ADPRM: variants seen among roughly 807,000 people sequenced by gnomAD.
ADPRM encodes ADP-ribose/CDP-alcohol diphosphatase, manganese dependent, also known as manganese-dependent ADP-ribose/CDP-alcohol diphosphatase.
In ADPRM, 17 loss-of-function variants were observed where a neutral mutation model predicts 27.2. The ratio of observed to expected loss-of-function variants is 0.63; its 90% CI spans 0.43 to 0.94. The LOEUF (loss-of-function observed/expected upper bound fraction) is 0.94. Among genes scored for constraint, ADPRM ranks in the 40% least tolerant of loss-of-function variants. The pLI is 0.00. For synonymous variants in ADPRM, 135 were observed against 145.3 expected (o/e 0.93, Z 0.51); for missense variants, 337 against 412.8 (o/e 0.82, Z 1.59).
chr17:10,705,625 T>C lies in ADPRM; in HGVS notation c.601+98T>C. 1 of 1,485,602 alleles carries C rather than the reference T, an allele frequency of 6.7e-7. No individual in the cohort carries two copies. Among genetic ancestry groups the C allele is most frequent in the Non-Finnish European group, 9.0e-7 (1 of 1,115,058 alleles). The allele number at this position is 1,485,602 out of a possible 1,614,324, so 92.0% of individuals were successfully genotyped here. A position where few individuals can be genotyped will look rare whatever the true frequency, so the allele number is the denominator to read the frequency against. On this transcript the variant is annotated intron_variant, in intron 2 of 3. Coordinates refer to ENST00000379774, the MANE Select transcript of ADPRM (RefSeq NM_020233.5). The surrounding 1 kb of genome is among the most constrained non-coding windows in gnomAD (Gnocchi z 5.4). ...AAGATGGACAATTAAGGTAAAAGTA[T>C]ATTGTCACTTGTTCAGGGTCAGGAT...
chr17:10,705,666 T>C lies in ADPRM; in HGVS notation c.601+139T>C, dbSNP rs920292630. On this transcript the variant is annotated intron_variant, in intron 2 of 3. Transcript: ENST00000379774. The surrounding 1 kb of genome is among the most constrained non-coding windows in gnomAD (Gnocchi z 5.4). The stretch of plus-strand genomic sequence containing the variant: ...GGGTCAGGATTTCTCACAAGCCTTC[T>C]CACATGGATTGGTTACAGTTGATTC... 3 of 1,307,872 alleles carry C rather than the reference T, an allele frequency of 2.3e-6. No individual in the cohort carries two copies. In the African/African-American group the frequency reaches 4.5e-5, roughly 19 times the overall value. 81.0% of individuals were successfully genotyped at this position (1,307,872 alleles called of 1,614,324 possible).
At chr17:10,704,486 CAAAAAAA>C (rs201571510) in intron 1 of ADPRM, among the ~76,000 whole-genome samples, 2,079 of 76,784 alleles carry the variant, frequency 0.027, 84 homozygotes, top group East Asian at 0.25. Flanking sequence ...CACAGCTTTC[CAAAAAAA>C]AAAAAAAAAA....
chr17:10,706,612 G>C (rs192825842), intron 3 of ADPRM, 58 bp downstream of exon 3: 1 of 1,219,044 alleles, frequency 8.2e-7, no homozygotes, highest in Non-Finnish European at 1.1e-6. Context: ...AAAGTTAGGC[G>C]TTAAAGCATA....
rs777574932 is a variant in ADPRM, at chr17:10,705,267, A to G, written c.341A>G (p.Tyr114Cys). 15 of 1,613,954 alleles carry G rather than the reference A, an allele frequency of 9.3e-6. No homozygotes were observed. Among genetic ancestry groups the G allele is most frequent in the East Asian group, 4.5e-5 (2 of 44,898 alleles). The change falls in exon 2 of 4, where the codon TAT (tyrosine) becomes TGT (cysteine). Residue 114 changes from tyrosine to cysteine, a missense_variant. By Grantham distance (194) the Tyr-to-Cys change is radical. Transcript: ENST00000379774. The surrounding 1 kb of genome is among the most constrained non-coding windows in gnomAD (Gnocchi z 5.4). ...CATACATGGGGAAACCATGAATTCTATAACTTCAGTAGAGAGTATTTAACA... is the reference window on the plus strand; with the variant it reads ...CATACATGGGGAAACCATGAATTCTGTAACTTCAGTAGAGAGTATTTAACA... ...VHHTWGNHEF[Y>C]NFSREYLTHS...
intron 1 of ADPRM, among the ~76,000 whole-genome samples, chr17:10,704,662 G>A (rs2151463102): frequency 6.6e-6 from 1 of 152,172 alleles, no homozygotes; most frequent in African/African-American, 2.4e-5. Flanking sequence ...TTTATTGATA[G>A]GATAGTACCT....
Position 10,705,777 on chromosome 17 carries a change from TAAC to T in ADPRM, c.601+253_601+255del, listed in dbSNP as rs926405704. 5.8e-6 allele frequency: 3 copies of T among 518,378 alleles called. No homozygotes were observed. Among genetic ancestry groups the T allele is most frequent in the Non-Finnish European group, 1.0e-5 (3 of 294,116 alleles). The allele number at this position is 518,378 out of a possible 1,614,324, so 32.1% of individuals were successfully genotyped here. A position where few individuals can be genotyped will look rare whatever the true frequency, so the allele number is the denominator to read the frequency against. ...AGATATTCCGAGCTGTAAACAATAC[TAAC>T]AATATTACTTTTTTGATGGATGGAA... On this transcript the variant is annotated intron_variant, in intron 2 of 3. Coordinates refer to ENST00000379774, the MANE Select transcript of ADPRM (RefSeq NM_020233.5). The surrounding 1 kb of genome is among the most constrained non-coding windows in gnomAD (Gnocchi z 5.4).
At chr17:10,706,346 G>GA in intron 2 of ADPRM, 92 bp from the exon 3 acceptor site, 1 of 801,076 alleles carries the variant, frequency 1.2e-6, no homozygotes, top group Non-Finnish European at 2.1e-6. Flanking sequence ...TATTCCTAAA[G>GA]AAAAAACAAG....
chr17:10,707,298 C>T (rs532461101), intron 3 of ADPRM, among the ~76,000 whole-genome samples: 10 of 152,138 alleles, frequency 6.6e-5, no homozygotes, highest in South Asian at 2.1e-4. Context: ...TTGCGTGAAC[C>T]GGGAGGTGGA....
Position 10,702,998 on chromosome 17 carries a change from A to G in ADPRM, c.-17-1912A>G, listed in dbSNP as rs73974816. Among the ~76,000 whole-genome samples the G allele has an allele frequency of 0.034, 5,176 of 152,278 alleles. 287 individuals are homozygous for G. The highest frequency in any genetic ancestry group is 0.12 in the African/African-American group (4,780 of 41,524). ...AAAGATAAAAACAAGCTCACTTGGC[A>G]GGGGATAAGATCACCCCCAGAAATA... On this transcript the variant is annotated intron_variant, in intron 1 of 3. Coordinates refer to ENST00000379774, the MANE Select transcript of ADPRM (RefSeq NM_020233.5). This position sits in a 1 kb window ranked among gnomAD's most constrained non-coding sequence, Gnocchi z 4.2.
At chr17:10,709,724 TA>T (rs10690433) in intron 3 of ADPRM, among the ~76,000 whole-genome samples, 10 of 149,540 alleles carry the variant, frequency 6.7e-5, no homozygotes, top group Admixed American at 1.3e-4. Flanking sequence ...GTATGCACTT[TA>T]AAAAAAAAAT....
chr17:10,706,069 C>CATTA (rs2074810749), intron 2 of ADPRM: 1 of 189,122 alleles, frequency 5.3e-6, no homozygotes, highest in African/African-American at 2.4e-5. Context: ...GAGGGAAAAA[C>CATTA]CTGCAAAGGC....
chr17:10,705,723 AT>A lies in ADPRM; in HGVS notation c.601+200del. On this transcript the variant is annotated intron_variant, in intron 2 of 3. Transcript: ENST00000379774. The surrounding 1 kb of genome is among the most constrained non-coding windows in gnomAD (Gnocchi z 5.4). ...GATTTAACAGATATTTTAAATGCCT[AT>A]TTTAGGCCAGGCACTTTTTCTAGGG... 1.1e-6 allele frequency: 1 copy of A among 886,840 alleles called. No homozygotes were observed. Among genetic ancestry groups the A allele is most frequent in the Non-Finnish European group, 1.6e-6 (1 of 608,212 alleles). The allele number at this position is 886,840 out of a possible 1,614,324, so 54.9% of individuals were successfully genotyped here.
Position 10,706,541 on chromosome 17 carries a change from G to A in ADPRM, c.705G>A (p.Lys235=), listed in dbSNP as rs2074813507. 1.3e-6 allele frequency: 2 copies of A among 1,572,790 alleles called. No individual in the cohort carries two copies. Among genetic ancestry groups the A allele is most frequent in the Non-Finnish European group, 1.7e-6 (2 of 1,164,272 alleles). Residue 235 remains lysine, a synonymous_variant, in exon 3 of 4, where the codon AAG becomes AAA. Coordinates refer to ENST00000379774, the MANE Select transcript of ADPRM (RefSeq NM_020233.5). The stretch of plus-strand genomic sequence containing the variant: ...CATTCTCTGACACAAACCAAGAAAA[G>A]GTGGTGATTGTGAGTAAGTATTTAA... The part of the protein sequence containing the change: ...VLTFSDTNQE[K]VVIVSHLPIY...
rs141731002 is a variant in ADPRM, at chr17:10,710,969, C to G, written c.854C>G (p.Ser285Cys). The part of the protein sequence containing the change: ...FAGHTHDGGY[S>C]EDPFGVYHVN... ...GGTCACACCCATGATGGTGGCTACTCTGAGGATCCTTTTGGTGTATACCAC... is the reference window on the plus strand; with the variant it reads ...GGTCACACCCATGATGGTGGCTACTGTGAGGATCCTTTTGGTGTATACCAC... The change falls in exon 4 of 4, where the codon TCT becomes TGT. Residue 285 changes from serine to cysteine, a missense_variant. Transcript: ENST00000379774. 4.3e-6 allele frequency: 7 copies of G among 1,614,038 alleles called. No homozygotes were observed. In the African/African-American group the frequency reaches 8.0e-5, roughly 18 times the overall value.
At position 10,705,362 on chromosome 17, in the gene ADPRM, G is replaced by A. The variant is rs1327402019; in HGVS notation, c.436G>A (p.Asp146Asn). Residue 146 changes from aspartate to asparagine, a missense_variant, in exon 2 of 4, where the codon GAT (aspartate) becomes AAT (asparagine). Transcript: ENST00000379774. This position sits in a 1 kb window ranked among gnomAD's most constrained non-coding sequence, Gnocchi z 5.4. The part of the protein sequence containing the change: ...VHHPETMPSE[D>N]YYAYHFVPFP... ...TCATCCTGAGACCATGCCTTCAGAA[G>A]ATTATTATGCTTATCATTTTGTACC... 6.2e-7 allele frequency: 1 copy of A among 1,613,916 alleles called. No homozygotes were observed. The highest frequency in any genetic ancestry group is 8.5e-7 in the Non-Finnish European group (1 of 1,179,980).
intron 3 of ADPRM, among the ~76,000 whole-genome samples, chr17:10,708,495 T>A (rs1413381417): frequency 6.8e-6 from 1 of 148,060 alleles, no homozygotes; most frequent in Non-Finnish European, 1.5e-5. Context: ...TATATAAAAC[T>A]ATATTTCTAT....
rs1327674021 is a variant in ADPRM at position 10,703,178 on chromosome 17, C to A, written c.-17-1732C>A. ...TCTTCTATTAATCTGAACTTGGAAT[C>A]GCAAATATTTGAAACCTAACATAAG... On this transcript the variant is annotated intron_variant, in intron 1 of 3. Coordinates refer to ENST00000379774, the MANE Select transcript of ADPRM (RefSeq NM_020233.5). 5.4e-5 allele frequency among the ~76,000 whole-genome samples: 7 copies of A among 130,476 alleles called. No homozygotes were observed. The East Asian group carries it at 1.7e-3, about 31-fold the overall frequency. The allele number at this position is 130,476 out of a possible 152,430, so 85.6% of individuals were successfully genotyped here.
intron 3 of ADPRM, among the ~76,000 whole-genome samples, chr17:10,709,358 A>G (rs934767500): frequency 6.6e-6 from 1 of 152,210 alleles, no homozygotes; most frequent in African/African-American, 2.4e-5. Flanking sequence ...GTGGAAGTTG[A>G]AAGAGTGTAG....
chr17:10,700,228 T>TA (rs1180719110), intron 1 of ADPRM, among the ~76,000 whole-genome samples: 7 of 152,246 alleles, frequency 4.6e-5, no homozygotes, highest in African/African-American at 1.7e-4. Context: ...GAAGAAATCA[T>TA]ACTCTTTTCA....
Sources: allele counts gnomAD v4.1 joint callset (sites outside exome capture counted in the v4.1 genomes callset), GRCh38; gene constraint gnomAD v4.1.1; non-coding constraint Gnocchi (gnomAD v3.1); transcripts MANE v1.5; gene names NCBI Gene and HGNC (gene_info 2026-07-23, HGNC 2026-07-21).